The following EYA1 variants were observed in gnomAD, a reference collection of about 807,000 sequenced individuals.
EYA1 encodes EYA transcriptional coactivator and phosphatase 1, also known as protein phosphatase EYA1.
A neutral mutation model predicts 82.0 loss-of-function variants in EYA1; 16 were observed. The observed-to-expected ratio is 0.20, with a 90% CI of 0.13 to 0.30. The LOEUF (loss-of-function observed/expected upper bound fraction) is 0.30, where lower values mean the gene tolerates loss of function less well. Ranked by LOEUF, EYA1 falls within the 10% of genes least tolerant of loss-of-function variation. The pLI is 1.00. For missense variants in EYA1, 633 were observed against 730.7 expected (o/e 0.87, Z 1.54); for synonymous variants, 261 against 264.4 (o/e 0.99, Z 0.12).
intron 1 of EYA1, chr8:71,535,863 G>T: frequency 1.4e-6 from 1 of 714,220 alleles, no homozygotes; most frequent in Non-Finnish European, 2.1e-6. Context: ...GAACAACAGA[G>T]CATCACACAG....
At position 71,524,818 on chromosome 8, in the gene EYA1, A is replaced by G. The variant is rs540400063; in HGVS notation, c.33+10926T>C. Among the ~76,000 whole-genome samples, 7 of 152,350 alleles carry G rather than the reference A, an allele frequency of 4.6e-5. No homozygotes were observed. The South Asian group carries it at 1.4e-3, about 32-fold the overall frequency. On this transcript the variant is annotated intron_variant, in intron 2 of 18. Coordinates refer to the EYA1 transcript ENST00000643681. Reference sequence around the variant, plus strand: ...ATGGACAGCATATTTCAAAATGAAAAAAACCAATTAAATAAAATCAGTAAT... The same window carrying G: ...ATGGACAGCATATTTCAAAATGAAAGAAACCAATTAAATAAAATCAGTAAT...
At chr8:71,331,400 C>T (rs1823845527) in intron 4 of EYA1, among the ~76,000 whole-genome samples, 1 of 151,022 alleles carries the variant, frequency 6.6e-6, no homozygotes, top group African/African-American at 2.4e-5. Flanking sequence ...TACTATTTTC[C>T]ACAGATATTT....
At chr8:71,200,798 A>C (rs144891264) in intron 17 of EYA1, among the ~76,000 whole-genome samples, 3 of 151,764 alleles carry the variant, frequency 2.0e-5, no homozygotes, top group Non-Finnish European at 4.4e-5. Context: ...ATCTTGTAGG[A>C]GGTGGGCAAT....
intron 2 of EYA1, among the ~76,000 whole-genome samples, chr8:71,470,202 T>C (rs1279480558): frequency 6.6e-6 from 1 of 152,118 alleles, no homozygotes; most frequent in Non-Finnish European, 1.5e-5. Context: ...AATCAGTAGA[T>C]CTATGCAATT....
At chr8:71,465,278 T>C (rs1467347858) in intron 2 of EYA1, among the ~76,000 whole-genome samples, 1 of 152,174 alleles carries the variant, frequency 6.6e-6, no homozygotes, top group East Asian at 1.9e-4. Flanking sequence ...AACCATCTTA[T>C]ACAACGCAAA....
At chr8:71,260,727 C>A (rs1483963449) in intron 11 of EYA1, among the ~76,000 whole-genome samples, 1 of 152,114 alleles carries the variant, frequency 6.6e-6, no homozygotes, top group African/African-American at 2.4e-5. Context: ...GGCAGCTAAG[C>A]CTCCCTGGCA....
chr8:71,452,041 G>A (rs1005882092), intron 2 of EYA1, among the ~76,000 whole-genome samples: 1 of 152,144 alleles, frequency 6.6e-6, no homozygotes, highest in Non-Finnish European at 1.5e-5. Flanking sequence ...TGTGACAGAC[G>A]GCACCTGGAA....
chr8:71,420,096 C>A (rs1831063039), intron 2 of EYA1, among the ~76,000 whole-genome samples: 1 of 152,108 alleles, frequency 6.6e-6, no homozygotes, highest in Non-Finnish European at 1.5e-5. Context: ...AATTGATAGG[C>A]TCCCTAGTGC....
chr8:71,224,064 A>G (rs1040583227), intron 12 of EYA1, among the ~76,000 whole-genome samples: 3 of 152,368 alleles, frequency 2.0e-5, no homozygotes, highest in East Asian at 1.9e-4. Context: ...ACTTCTGAAC[A>G]TGAAACTAGA....
intron 2 of EYA1, chr8:71,404,136 C>A (rs918629311): frequency 6.6e-6 from 1 of 152,138 alleles, no homozygotes; most frequent in South Asian, 2.1e-4. Flanking sequence ...TTCATCCCTA[C>A]TTAGGAGTAT....
At chr8:71,424,187 A>G (rs1212232721) in intron 2 of EYA1, among the ~76,000 whole-genome samples, 1 of 152,236 alleles carries the variant, frequency 6.6e-6, no homozygotes, top group African/African-American at 2.4e-5. Context: ...ATAACAGAAT[A>G]TTGCCAAGGG....
intron 2 of EYA1, chr8:71,470,755 AATGAT>A (rs1214451709): frequency 2.7e-6 from 1 of 375,372 alleles, no homozygotes; most frequent in Non-Finnish European, 5.2e-6. Flanking sequence ...ACATCACCGT[AATGAT>A]ATAACAGACT....
At chr8:71,328,823 C>G (rs1316512656) in intron 4 of EYA1, among the ~76,000 whole-genome samples, 1 of 152,170 alleles carries the variant, frequency 6.6e-6, no homozygotes, top group Admixed American at 6.5e-5. Flanking sequence ...TCTGTCTAGG[C>G]CTCAACCCTG....
intron 7 of EYA1, among the ~76,000 whole-genome samples, chr8:71,305,740 T>A (rs1361287354): frequency 6.6e-6 from 1 of 152,150 alleles, no homozygotes; most frequent in Non-Finnish European, 1.5e-5. Flanking sequence ...AGACACTCAT[T>A]TCCACAACAG....
intron 2 of EYA1, among the ~76,000 whole-genome samples, chr8:71,505,406 G>A (rs1178424833): frequency 1.3e-5 from 2 of 152,162 alleles, no homozygotes; most frequent in African/African-American, 4.8e-5. Flanking sequence ...TAAAAAGTAG[G>A]ACTGGCATTT....
At chr8:71,267,166 A>G (rs992044224) in intron 11 of EYA1, among the ~76,000 whole-genome samples, 1 of 152,180 alleles carries the variant, frequency 6.6e-6, no homozygotes, top group Non-Finnish European at 1.5e-5. Flanking sequence ...TGGCACATGC[A>G]GTGAGATTAG....
intron 17 of EYA1, among the ~76,000 whole-genome samples, chr8:71,206,838 C>T (rs1807840312): frequency 6.6e-6 from 1 of 152,132 alleles, no homozygotes; most frequent in Admixed American, 6.5e-5. Flanking sequence ...TAACTGCAGT[C>T]TTGACCTCCT....
At chr8:71,472,029 G>C (rs1328490563) in intron 2 of EYA1, among the ~76,000 whole-genome samples, 2 of 152,060 alleles carry the variant, frequency 1.3e-5, no homozygotes, top group African/African-American at 2.4e-5. Context: ...CAAGAATCTT[G>C]TCTGAATCAG....
intron 7 of EYA1, among the ~76,000 whole-genome samples, chr8:71,315,200 A>C (rs1340058967): frequency 6.6e-6 from 1 of 152,256 alleles, no homozygotes; most frequent in African/African-American, 2.4e-5. Context: ...TAAAAGAAAA[A>C]AAATTTTCTA....
Sources: allele counts gnomAD v4.1 joint callset (sites outside exome capture counted in the v4.1 genomes callset), GRCh38; gene constraint gnomAD v4.1.1; transcripts MANE v1.5; gene names NCBI Gene and HGNC (gene_info 2026-07-23, HGNC 2026-07-21).